Variants in ARMC9 observed in about 807,000 individuals in gnomAD.
The protein encoded by ARMC9 is lisH domain-containing protein ARMC9.
ARMC9 carries 94 observed loss-of-function variants against 107.0 expected under a neutral mutation model. That is an observed-to-expected ratio of 0.88 (90% CI 0.74 to 1.04). The LOEUF (loss-of-function observed/expected upper bound fraction) is 1.04. Among genes scored for constraint, ARMC9 ranks in the 50% least tolerant of loss-of-function variants. The pLI, the probability that ARMC9 is intolerant of heterozygous loss-of-function variation, is 0.00. For synonymous variants in ARMC9, 380 were observed against 396.9 expected (o/e 0.96, Z 0.51); for missense variants, 942 against 1,030.1 (o/e 0.91, Z 1.17).
At chr2:231,364,323 G>A (rs1413723080) in intron 23 of ARMC9, among the ~76,000 whole-genome samples, 1 of 152,254 alleles carries the variant, frequency 6.6e-6, no homozygotes, top group Non-Finnish European at 1.5e-5. Flanking sequence ...TCGCACTCAG[G>A]CCCAGGACAG....
intron 6 of ARMC9, among the ~76,000 whole-genome samples, chr2:231,225,371 A>G (rs1406010863): frequency 1.3e-5 from 2 of 152,218 alleles, no homozygotes; most frequent in African/African-American, 4.8e-5. Context: ...ACCCAAGAGA[A>G]ATGAAACATA....
At chr2:231,335,207 T>A (rs1005241322) in intron 20 of ARMC9, among the ~76,000 whole-genome samples, 2 of 152,170 alleles carry the variant, frequency 1.3e-5, no homozygotes, top group African/African-American at 4.8e-5. Context: ...AGCTGGTCAG[T>A]GGCCAGCAGG....
intron 12 of ARMC9, among the ~76,000 whole-genome samples, chr2:231,269,881 C>T (rs572486121): frequency 2.0e-5 from 3 of 148,830 alleles, no homozygotes; most frequent in East Asian, 2.0e-4. Flanking sequence ...ACCCTCCCCC[C>T]CTATTTGTTT....
chr2:231,215,234 C>A (rs1047995915), intron 4 of ARMC9: 4 of 455,908 alleles, frequency 8.8e-6, no homozygotes, highest in Non-Finnish European at 1.5e-5. Flanking sequence ...TCCTAAATAC[C>A]TCAAGTTTTT....
At chr2:231,240,541 G>C (rs1221466436) in intron 9 of ARMC9, among the ~76,000 whole-genome samples, 2 of 152,128 alleles carry the variant, frequency 1.3e-5, no homozygotes, top group African/African-American at 4.8e-5. Flanking sequence ...GCACACATAT[G>C]CACAAAATCT....
At chr2:231,307,854 A>G (rs998453246) in intron 19 of ARMC9, among the ~76,000 whole-genome samples, 2 of 152,248 alleles carry the variant, frequency 1.3e-5, no homozygotes, top group African/African-American at 2.4e-5. Context: ...ATTAAAAACT[A>G]AAGGAAGAAA....
intron 19 of ARMC9, among the ~76,000 whole-genome samples, chr2:231,296,738 A>G (rs1227186463): frequency 6.6e-6 from 1 of 152,172 alleles, no homozygotes; most frequent in Non-Finnish European, 1.5e-5. Context: ...GCTGTGAAAA[A>G]TCTACTTGCC....
intron 10 of ARMC9, 42 bp from the exon 11 acceptor site, chr2:231,258,949 T>C (rs768182241): frequency 3.3e-6 from 5 of 1,534,016 alleles, no homozygotes; most frequent in Non-Finnish European, 1.8e-6. Context: ...AAACATGCCC[T>C]TTTGCCCTTT....
In ARMC9 at chr2:231,202,319, C is replaced by CTTTTTTTT. The variant is rs745728209; in HGVS notation, c.-42+3635_-42+3642dup. ...CCAGCTGATCTTGTTTCTTGTTTCA[C>CTTTTTTTT]TTTTTTTTTTTTTTTTTTTTTGAGA... On this transcript the variant is annotated intron_variant, in intron 1 of 24. Transcript: ENST00000611582. 6.5e-5 allele frequency among the ~76,000 whole-genome samples: 8 copies of CTTTTTTTT among 123,890 alleles called. No individual in the cohort carries two copies. The South Asian group carries it at 7.8e-4, about 12-fold the overall frequency. 81.3% of individuals were successfully genotyped at this position (123,890 alleles called of 152,430 possible). A position where few individuals can be genotyped will look rare whatever the true frequency, so the allele number is the denominator to read the frequency against.
chr2:231,360,638 G>A lies in ARMC9; in HGVS notation c.2132-116G>A, dbSNP rs898587235. 2.2e-5 allele frequency: 32 copies of A among 1,486,250 alleles called. No individual in the cohort carries two copies. The highest frequency in any genetic ancestry group is 1.6e-4 in the Admixed American group (8 of 49,900). The allele number at this position is 1,486,250 out of a possible 1,614,324, so 92.1% of individuals were successfully genotyped here. On this transcript the variant is annotated intron_variant, in intron 22 of 24. Coordinates refer to ENST00000611582, the MANE Select transcript of ARMC9 (RefSeq NM_001352754.2). The surrounding 1 kb of genome is among the most constrained non-coding windows in gnomAD (Gnocchi z 4.7). ...CCAAGCCACAGGCGCCAGGGAGCCCGCAGGGCCTGGCCTGGGGTGCGTGCT... is the reference window on the plus strand; with the variant it reads ...CCAAGCCACAGGCGCCAGGGAGCCCACAGGGCCTGGCCTGGGGTGCGTGCT...
intron 5 of ARMC9, among the ~76,000 whole-genome samples, chr2:231,217,717 G>A (rs998620787): frequency 1.3e-5 from 2 of 152,144 alleles, no homozygotes; most frequent in African/African-American, 4.8e-5. Flanking sequence ...TTGTTTGTTT[G>A]GTTGGTTTTG....
In ARMC9 at chr2:231,199,138, T is replaced by C. The variant is rs545723349; in HGVS notation, c.-42+440T>C. Among the ~76,000 whole-genome samples the C allele has an allele frequency of 2.6e-5, 4 of 152,348 alleles. No homozygotes were observed. In the South Asian group the frequency reaches 8.3e-4, roughly 32 times the overall value. On this transcript the variant is annotated intron_variant, in intron 1 of 24. Coordinates refer to ENST00000611582, the MANE Select transcript of ARMC9 (RefSeq NM_001352754.2). ...ATCTTAGGAAAAACAGGATGCGTGC[T>C]ATGCAGATTCGGCTTCCATACAAAT...
At chr2:231,215,023 G>C in intron 4 of ARMC9, 22 bp downstream of exon 4, 1 of 1,612,656 alleles carries the variant, frequency 6.2e-7, no homozygotes, top group East Asian at 2.2e-5. Context: ...TGGTGATGCG[G>C]GTGGGTCTGA....
intron 7 of ARMC9, among the ~76,000 whole-genome samples, chr2:231,230,900 C>T (rs1265953490): frequency 1.3e-5 from 2 of 152,204 alleles, no homozygotes; most frequent in East Asian, 1.9e-4. Flanking sequence ...TCCACAGGTG[C>T]AGTACCCATG....
intron 9 of ARMC9, among the ~76,000 whole-genome samples, chr2:231,246,342 A>T (rs189720614): frequency 1.0e-3 from 152 of 152,208 alleles, no homozygotes; most frequent in Non-Finnish European, 1.1e-3. Context: ...TAGTTTTTCA[A>T]ACCTTGCCCC....
intron 3 of ARMC9, 110 bp downstream of exon 3, chr2:231,208,362 GTTAC>G: frequency 1.2e-6 from 1 of 836,392 alleles, no homozygotes; most frequent in Non-Finnish European, 2.0e-6. Context: ...CTTGCTCAGA[GTTAC>G]TTTAGATGGC....
At chr2:231,309,555 T>C (rs2042220357) in intron 19 of ARMC9, among the ~76,000 whole-genome samples, 1 of 152,136 alleles carries the variant, frequency 6.6e-6, no homozygotes, top group African/African-American at 2.4e-5. Flanking sequence ...TATCACTTGG[T>C]ATTCAAAGAT....
intron 19 of ARMC9, among the ~76,000 whole-genome samples, chr2:231,298,427 A>G (rs2041516462): frequency 6.6e-6 from 1 of 152,248 alleles, no homozygotes; most frequent in Non-Finnish European, 1.5e-5. Flanking sequence ...TAGGCTAAAG[A>G]AAATTTCTAA....
Position 231,360,377 on chromosome 2 carries a change from T to A in ARMC9, c.2132-377T>A. On this transcript the variant is annotated intron_variant, in intron 22 of 24. Coordinates refer to ENST00000611582, the MANE Select transcript of ARMC9 (RefSeq NM_001352754.2). The surrounding 1 kb of genome is among the most constrained non-coding windows in gnomAD (Gnocchi z 4.7). The stretch of plus-strand genomic sequence containing the variant: ...CAAATAAAACTACACACCACCCAGT[T>A]ACATTTGAGTTTCAGATAAGCAAAT... Among the ~76,000 whole-genome samples, 1 of 152,324 alleles carries A rather than the reference T, an allele frequency of 6.6e-6. No homozygotes were observed. Among genetic ancestry groups the A allele is most frequent in the African/African-American group, 2.4e-5 (1 of 41,564 alleles).
Sources: allele counts gnomAD v4.1 joint callset (sites outside exome capture counted in the v4.1 genomes callset), GRCh38; gene constraint gnomAD v4.1.1; non-coding constraint Gnocchi (gnomAD v3.1); transcripts MANE v1.5; gene names NCBI Gene and HGNC (gene_info 2026-07-23, HGNC 2026-07-21).